Variants in ERN1 observed in about 807,000 individuals in gnomAD.
ERN1 encodes serine/threonine-protein kinase/endoribonuclease IRE1.
A neutral mutation model predicts 113.1 loss-of-function variants in ERN1; 39 were observed. The observed-to-expected ratio is 0.34, with a 90% CI of 0.27 to 0.45. The LOEUF is 0.45. Among genes scored for constraint, ERN1 ranks in the 20% least tolerant of loss-of-function variants. ERN1 has a pLI of 1.00. For synonymous variants in ERN1, 507 were observed against 515.9 expected (o/e 0.98, Z 0.23); for missense variants, 976 against 1,274.8 (o/e 0.77, Z 3.57).
chr17:64,067,056 T>C (rs1327565338), intron 7 of ERN1, 124 bp from the exon 8 acceptor site: 1 of 1,029,040 alleles, frequency 9.7e-7, no homozygotes, highest in Non-Finnish European at 1.4e-6. Context: ...TATTCTCAGA[T>C]CTCCTCTGAG....
chr17:64,079,618 G>T, intron 4 of ERN1, 44 bp downstream of exon 4: 1 of 1,503,012 alleles, frequency 6.7e-7, no homozygotes, highest in Non-Finnish European at 9.3e-7. Context: ...AAGGACCGCT[G>T]GTCTAGAACC....
chr17:64,071,594 A>AT (rs1353182089), intron 6 of ERN1, among the ~76,000 whole-genome samples: 2 of 151,754 alleles, frequency 1.3e-5, no homozygotes, highest in South Asian at 2.1e-4. Context: ...CTAATTTTGT[A>AT]TTTTTTTAGT....
intron 7 of ERN1, 71 bp from the exon 8 acceptor site, chr17:64,067,003 G>GC: frequency 6.6e-7 from 1 of 1,526,416 alleles, no homozygotes; most frequent in Non-Finnish European, 9.0e-7. Context: ...TACTCTTGTG[G>GC]CAGGCTCTAG....
At chr17:64,117,272 G>A (rs1369223581) in intron 1 of ERN1, among the ~76,000 whole-genome samples, 1 of 151,474 alleles carries the variant, frequency 6.6e-6, no homozygotes, top group Non-Finnish European at 1.5e-5. Context: ...GCGAAACCCC[G>A]TCTCTACTAA....
At chr17:64,081,534 T>A (rs1417697241) in intron 2 of ERN1, among the ~76,000 whole-genome samples, 1 of 152,202 alleles carries the variant, frequency 6.6e-6, no homozygotes, top group Non-Finnish European at 1.5e-5. Flanking sequence ...TATACAAACC[T>A]ATGCTATTAT....
intron 1 of ERN1, among the ~76,000 whole-genome samples, chr17:64,127,737 A>C (rs970100194): frequency 1.3e-5 from 2 of 149,504 alleles, no homozygotes; most frequent in African/African-American, 5.1e-5. Flanking sequence ...CTGGGCAACA[A>C]GAGCGAAGAA....
intron 2 of ERN1, among the ~76,000 whole-genome samples, chr17:64,081,010 A>G (rs932621671): frequency 6.6e-6 from 1 of 152,236 alleles, no homozygotes; most frequent in African/African-American, 2.4e-5. Flanking sequence ...AATGATGCAA[A>G]TGTAAGCTCT....
intron 2 of ERN1, 168 bp downstream of exon 2, chr17:64,097,953 T>C: frequency 1.2e-6 from 1 of 816,126 alleles, no homozygotes; most frequent in Non-Finnish European, 1.9e-6. Flanking sequence ...ACAGCAAAGC[T>C]ATAAACGTCC....
rs1044737156 is a variant in ERN1 at position 64,047,732 on chromosome 17, C to T, written c.2529+126G>A. 4.6e-5 allele frequency: 34 copies of T among 743,910 alleles called. No individual in the cohort carries two copies. In the African/African-American group the frequency reaches 5.6e-4, roughly 12 times the overall value. 46.1% of individuals were successfully genotyped at this position (743,910 alleles called of 1,614,324 possible). On this transcript the variant is annotated intron_variant, in intron 19 of 21. Coordinates refer to ENST00000433197, the MANE Select transcript of ERN1 (RefSeq NM_001433.5). ...ATATATGAAGAAAACATTAAAACATCAGCCATGATTATCTTCCAGTTTTAG... is the reference window on the plus strand; with the variant it reads ...ATATATGAAGAAAACATTAAAACATTAGCCATGATTATCTTCCAGTTTTAG...
At chr17:64,045,596 G>A in intron 19 of ERN1, 114 bp from the exon 20 acceptor site, 1 of 1,380,948 alleles carries the variant, frequency 7.2e-7, no homozygotes, top group Non-Finnish European at 1.0e-6. Flanking sequence ...CCAGAGCTGG[G>A]CAGCAGGCAC....
intron 1 of ERN1, among the ~76,000 whole-genome samples, chr17:64,101,293 C>T (rs1914378440): frequency 6.6e-6 from 1 of 152,016 alleles, no homozygotes; most frequent in East Asian, 1.9e-4. Flanking sequence ...CCTGTAATCC[C>T]AGCTACTAGA....
chr17:64,062,206 T>G lies in ERN1; in HGVS notation c.1088-1619A>C, dbSNP rs76506510. 4.4e-3 allele frequency among the ~76,000 whole-genome samples: 670 copies of G among 152,378 alleles called. 3 individuals carry two copies. Among genetic ancestry groups the G allele is most frequent in the African/African-American group, 0.015 (640 of 41,590 alleles). On this transcript the variant is annotated intron_variant, in intron 10 of 21. Coordinates refer to ENST00000433197, the MANE Select transcript of ERN1 (RefSeq NM_001433.5). ...AGGCTCTCCCGGGCTTATATATGCC[T>G]AGTTAACTAAGCTCTGATGCCGAAA...
In ERN1 at chr17:64,111,048, C is replaced by A. The variant is rs376291303; in HGVS notation, c.55-12807G>T. ...CAAACCTATGGGCTCAAAGAGGAGG[C>A]CTTTCCAGACATCAAAGGAAGAACT... On this transcript the variant is annotated intron_variant, in intron 1 of 21. Coordinates refer to ENST00000433197, the MANE Select transcript of ERN1 (RefSeq NM_001433.5). 1.4e-3 allele frequency among the ~76,000 whole-genome samples: 218 copies of A among 152,212 alleles called. 3 individuals are homozygous for A. The highest frequency in any genetic ancestry group is 0.013 in the South Asian group (63 of 4,810).
chr17:64,114,921 C>T (rs1598088771), intron 1 of ERN1, among the ~76,000 whole-genome samples: 1 of 151,976 alleles, frequency 6.6e-6, no homozygotes, highest in African/African-American at 2.4e-5. Context: ...TGAAATGTGG[C>T]CTTCAGAACA....
intron 1 of ERN1, among the ~76,000 whole-genome samples, chr17:64,102,421 A>G (rs969091301): frequency 1.1e-4 from 16 of 152,238 alleles, no homozygotes; most frequent in African/African-American, 3.9e-4. Flanking sequence ...GAAATGCCAC[A>G]AACTATTACA....
chr17:64,129,838 C>A, intron 1 of ERN1, 138 bp downstream of exon 1: 1 of 777,924 alleles, frequency 1.3e-6, no homozygotes, highest in South Asian at 4.3e-5. Flanking sequence ...CCGAGCCTCC[C>A]ACGGCTGGGC....
intron 2 of ERN1, among the ~76,000 whole-genome samples, chr17:64,097,035 TA>T (rs1234037874): frequency 6.6e-6 from 1 of 152,178 alleles, no homozygotes; most frequent in Non-Finnish European, 1.5e-5. Context: ...TTAAAAACAT[TA>T]AAAGGCTTAA....
At chr17:64,102,777 A>G (rs1914422577) in intron 1 of ERN1, 1 of 985,340 alleles carries the variant, frequency 1.0e-6, no homozygotes, top group South Asian at 4.7e-5. Flanking sequence ...AACATACCCT[A>G]CGGCACACAC....
intron 1 of ERN1, 107 bp downstream of exon 1, chr17:64,129,869 G>A (rs1915189344): frequency 6.4e-6 from 7 of 1,089,832 alleles, no homozygotes; most frequent in Admixed American, 4.3e-5. Flanking sequence ...TCTGGCCGCC[G>A]CCGTCGCGCT....
Sources: allele counts gnomAD v4.1 joint callset (sites outside exome capture counted in the v4.1 genomes callset), GRCh38; gene constraint gnomAD v4.1.1; transcripts MANE v1.5; gene names NCBI Gene and HGNC (gene_info 2026-07-23, HGNC 2026-07-21).